The following ZNF431 variants were observed in gnomAD, a reference collection of about 807,000 sequenced individuals.
The protein encoded by ZNF431 is zinc finger protein 431.
Under a neutral mutation model 57.0 loss-of-function variants are expected in ZNF431, and 34 were observed. The observed-to-expected ratio is 0.60, with a 90% CI of 0.45 to 0.79. The LOEUF is 0.79. Among genes scored for constraint, ZNF431 ranks in the 30% least tolerant of loss-of-function variants. The pLI is 0.00. For missense variants in ZNF431, 607 were observed against 667.1 expected, an observed-to-expected ratio of 0.91 and a Z score of 0.99; for synonymous variants, 207 against 220.3, an observed-to-expected ratio of 0.94 and a Z score of 0.54.
intron 4 of ZNF431, among the ~76,000 whole-genome samples, chr19:21,180,480 A>G (rs1261571046): frequency 6.6e-6 from 1 of 151,974 alleles, no homozygotes; most frequent in Non-Finnish European, 1.5e-5. Flanking sequence ...TGCTTCTTGT[A>G]TCTTTGTTCC....
At chr19:21,161,971 G>GT (rs1211168902) in intron 2 of ZNF431, among the ~76,000 whole-genome samples, 2 of 151,278 alleles carry the variant, frequency 1.3e-5, no homozygotes, top group African/African-American at 2.4e-5. Context: ...CTTGTTTTTT[G>GT]TTTTTTTGTT....
rs1971590652 is a variant in ZNF431 at position 21,195,510 on chromosome 19, A to G, written c.*11476A>G. The G allele has an allele frequency of 6.6e-6, 1 of 152,254 alleles. No individual in the cohort carries two copies. The highest frequency in any genetic ancestry group is 2.1e-4 in the South Asian group (1 of 4,836). The allele number at this position is 152,254 out of a possible 1,614,324, so 9.4% of individuals were successfully genotyped here. On this transcript the variant is annotated 3_prime_UTR_variant, in exon 5 of 5. Coordinates refer to ENST00000311048, the MANE Select transcript of ZNF431 (RefSeq NM_133473.4). ...GGCTTTGGCTAATTCCTCATTAGCA[A>G]TAGAATTATGTATATTTTGCAAACT...
intron 4 of ZNF431, among the ~76,000 whole-genome samples, chr19:21,177,826 T>C (rs1056041144): frequency 6.6e-6 from 1 of 152,048 alleles, no homozygotes; most frequent in African/African-American, 2.4e-5. Context: ...ATGGGGTCTT[T>C]TGGGTTTTCA....
intron 4 of ZNF431, among the ~76,000 whole-genome samples, chr19:21,174,066 C>T (rs1402101706): frequency 6.6e-6 from 1 of 151,948 alleles, no homozygotes; most frequent in African/African-American, 2.4e-5. Context: ...CTGCCTCAGC[C>T]TCCTGAGTAG....
Position 21,166,362 on chromosome 19 carries a change from A to G in ZNF431, c.124A>G (p.Ile42Val), listed in dbSNP as rs759474845. The G allele has an allele frequency of 2.9e-5, 46 of 1,613,448 alleles. No homozygotes were observed. The highest frequency in any genetic ancestry group is 3.3e-4 in the Middle Eastern group (2 of 6,078). Residue 42 changes from isoleucine (I) to valine (V), a missense_variant, in exon 3 of 5, where the codon ATA (isoleucine) becomes GTA (valine). Coordinates refer to ENST00000311048, the MANE Select transcript of ZNF431 (RefSeq NM_133473.4). The part of the protein sequence containing the change: ...KETLTFRDVA[I>V]EFSLEEWECL... ...GACATTGACATTTAGGGATGTGGCC[A>G]TAGAATTCTCTCTGGAGGAGTGGGA...
intron 2 of ZNF431, among the ~76,000 whole-genome samples, chr19:21,156,723 C>T (rs2144960558): frequency 6.6e-6 from 1 of 151,522 alleles, no homozygotes; most frequent in East Asian, 1.9e-4. Flanking sequence ...GCCACATAAT[C>T]TTCCATGATG....
chr19:21,172,359 C>CA (rs1970924484), intron 4 of ZNF431, among the ~76,000 whole-genome samples: 1 of 146,108 alleles, frequency 6.8e-6, no homozygotes, highest in Admixed American at 7.1e-5. Context: ...ACCCAGGAGA[C>CA]AGAGGTTGCA....
intron 4 of ZNF431, among the ~76,000 whole-genome samples, chr19:21,179,607 T>C (rs920942900): frequency 4.6e-5 from 7 of 151,064 alleles, no homozygotes; most frequent in Non-Finnish European, 1.0e-4. Flanking sequence ...GACCCCAGGC[T>C]GGAGTGTAGT....
rs1971381322 is a variant in ZNF431 at position 21,186,684 on chromosome 19, T to G, written c.*2650T>G. 1 of 152,232 alleles carries G rather than the reference T, an allele frequency of 6.6e-6. No individual in the cohort carries two copies. Among genetic ancestry groups the G allele is most frequent in the Non-Finnish European group, 1.5e-5 (1 of 68,028 alleles). 9.4% of individuals were successfully genotyped at this position (152,232 alleles called of 1,614,324 possible). A position where few individuals can be genotyped will look rare whatever the true frequency, so the allele number is the denominator to read the frequency against. On this transcript the variant is annotated 3_prime_UTR_variant, in exon 5 of 5. Transcript: ENST00000311048. Reference sequence around the variant, plus strand: ...GGTACTCATGCTAGACCCATACTTTTTTTGTTTCTTACATTTTTTTTGTTT... The same window carrying G: ...GGTACTCATGCTAGACCCATACTTTGTTTGTTTCTTACATTTTTTTTGTTT...
rs1424718478 is a variant in ZNF431 at position 21,186,864 on chromosome 19, AGAG to A, written c.*2834_*2836del. 1.3e-5 allele frequency: 2 copies of A among 152,156 alleles called. No homozygotes were observed. The highest frequency in any genetic ancestry group is 4.8e-5 in the African/African-American group (2 of 41,434). The allele number at this position is 152,156 out of a possible 1,614,324, so 9.4% of individuals were successfully genotyped here. On this transcript the variant is annotated 3_prime_UTR_variant, in exon 5 of 5. Transcript: ENST00000311048. The stretch of plus-strand genomic sequence containing the variant: ...TAGAGCACTCCATTTTGTTCTTTTA[AGAG>A]GAGAACAATATATAGGTTTTCTTTA...
intron 3 of ZNF431, among the ~76,000 whole-genome samples, chr19:21,167,307 C>CT (rs1474695862): frequency 6.6e-6 from 1 of 151,798 alleles, no homozygotes; most frequent in Non-Finnish European, 1.5e-5. Context: ...CTACAGGCAC[C>CT]TGCCACCATG....
In ZNF431 at chr19:21,191,986, T is replaced by C. The variant is rs1754240208; in HGVS notation, c.*7952T>C. 1 of 152,194 alleles carries C rather than the reference T, an allele frequency of 6.6e-6. No homozygotes were observed. The highest frequency in any genetic ancestry group is 1.5e-5 in the Non-Finnish European group (1 of 68,048). 9.4% of individuals were successfully genotyped at this position (152,194 alleles called of 1,614,324 possible). ...TTAATGTCAGTTCATGAATAGTCCA[T>C]TTATGTATTAATTTCTATTTAGAAT... On this transcript the variant is annotated 3_prime_UTR_variant, in exon 5 of 5. Transcript: ENST00000311048.
rs1278236753 is a variant in ZNF431 at position 21,189,956 on chromosome 19, C to T, written c.*5922C>T. The T allele has an allele frequency of 1.3e-5, 5 of 397,490 alleles. No homozygotes were observed. The highest frequency in any genetic ancestry group is 4.1e-5 in the African/African-American group (2 of 48,532). 24.6% of individuals were successfully genotyped at this position (397,490 alleles called of 1,614,324 possible). A position where few individuals can be genotyped will look rare whatever the true frequency, so the allele number is the denominator to read the frequency against. On this transcript the variant is annotated 3_prime_UTR_variant, in exon 5 of 5. Transcript: ENST00000311048. Reference sequence around the variant, plus strand: ...CCCAGGAGTTTGAGACCAGCCTGGACAACGTGGAAAAACCCCATCTCTACT... The same window carrying T: ...CCCAGGAGTTTGAGACCAGCCTGGATAACGTGGAAAAACCCCATCTCTACT...
rs1488836725 is a variant in ZNF431 at position 21,162,711 on chromosome 19, C to A, written c.97-3624C>A. 3 of 985,234 alleles carry A rather than the reference C, an allele frequency of 3.0e-6. No individual in the cohort carries two copies. The African/African-American group carries it at 5.2e-5, about 17-fold the overall frequency. The allele number at this position is 985,234 out of a possible 1,614,324, so 61.0% of individuals were successfully genotyped here. ...GAGTTTTTGCTGGTGAATCCTGCTG[C>A]CTTTCTAGAGCTGGTGCTCAAAATT... is the stretch of plus-strand genomic sequence containing the variant. On this transcript the variant is annotated intron_variant, in intron 2 of 4. Coordinates refer to ENST00000311048, the MANE Select transcript of ZNF431 (RefSeq NM_133473.4).
chr19:21,172,413 G>A (rs1295983600), intron 4 of ZNF431, among the ~76,000 whole-genome samples: 1 of 148,010 alleles, frequency 6.8e-6, no homozygotes, highest in Non-Finnish European at 1.5e-5. Flanking sequence ...GGGTGAGAGA[G>A]CGAGATTCCA....
chr19:21,172,461 A>G (rs977439268), intron 4 of ZNF431, among the ~76,000 whole-genome samples: 1 of 151,940 alleles, frequency 6.6e-6, no homozygotes, highest in South Asian at 2.1e-4. Context: ...AAGAAACAAT[A>G]AAAACACATA....
intron 4 of ZNF431, among the ~76,000 whole-genome samples, chr19:21,170,333 A>AT (rs1599604162): frequency 1.8e-4 from 27 of 150,546 alleles, no homozygotes; most frequent in African/African-American, 4.6e-4. Flanking sequence ...TGACTGAATA[A>AT]ATTTTTTTTT....
intron 4 of ZNF431, among the ~76,000 whole-genome samples, chr19:21,170,914 C>G (rs1970868663): frequency 1.3e-5 from 2 of 152,120 alleles, no homozygotes; most frequent in South Asian, 2.1e-4. Flanking sequence ...ACCTTGTGAT[C>G]CACCTGCCTC....
intron 3 of ZNF431, among the ~76,000 whole-genome samples, chr19:21,166,891 C>T (rs1568306081): frequency 1.3e-5 from 2 of 152,100 alleles, no homozygotes; most frequent in Non-Finnish European, 2.9e-5. Context: ...GAGATGGAAT[C>T]TCACCCTGTC....
Sources: allele counts gnomAD v4.1 joint callset (sites outside exome capture counted in the v4.1 genomes callset), GRCh38; gene constraint gnomAD v4.1.1; transcripts MANE v1.5; gene names NCBI Gene and HGNC (gene_info 2026-07-23, HGNC 2026-07-21).